MED13: variants seen among roughly 807,000 people sequenced by gnomAD.
MED13 encodes the protein mediator of RNA polymerase II transcription subunit 13.
A neutral mutation model predicts 225.2 loss-of-function variants in MED13; 23 were observed. That is an observed-to-expected ratio of 0.10 (90% CI 0.07 to 0.14). The LOEUF (loss-of-function observed/expected upper bound fraction) is 0.14. Ranked by LOEUF, MED13 falls within the 10% of genes least tolerant of loss-of-function variation. The pLI, the probability that MED13 is intolerant of heterozygous loss-of-function variation, is 1.00. For synonymous variants in MED13, 942 were observed against 889.2 expected (o/e 1.06, Z -1.06); for missense variants, 2,197 against 2,594.5 (o/e 0.85, Z 3.33).
chr17:62,007,065 C>T (rs898043994), intron 9 of MED13: 2 of 152,174 alleles, frequency 1.3e-5, no homozygotes, highest in African/African-American at 4.8e-5. Context: ...CAAGGTGAAA[C>T]CCCGTCTCTG....
At chr17:62,033,081 C>T (rs1167936998) in intron 5 of MED13, among the ~76,000 whole-genome samples, 3 of 151,626 alleles carry the variant, frequency 2.0e-5, no homozygotes, top group Non-Finnish European at 2.9e-5. Context: ...ACCTGGGAGG[C>T]GGAGGAGGTT....
At chr17:61,997,796 A>G (rs1009407434) in intron 9 of MED13, among the ~76,000 whole-genome samples, 3 of 152,302 alleles carry the variant, frequency 2.0e-5, no homozygotes, top group Admixed American at 2.0e-4. Context: ...TCGGTGTTTC[A>G]TATTACGTTG....
intron 9 of MED13, 151 bp from the exon 10 acceptor site, chr17:61,995,516 A>C (rs1401142886): frequency 1.5e-5 from 9 of 583,944 alleles, no homozygotes; most frequent in Non-Finnish European, 2.5e-5. Context: ...GAAAATATTA[A>C]ATAATTTATT....
intron 16 of MED13, among the ~76,000 whole-genome samples, chr17:61,975,341 G>A (rs989669669): frequency 3.3e-5 from 5 of 152,060 alleles, no homozygotes; most frequent in African/African-American, 7.2e-5. Context: ...TGGACAACAA[G>A]CACATGAAAC....
chr17:61,965,576 A>G, intron 19 of MED13, 108 bp from the exon 20 acceptor site: 1 of 1,149,472 alleles, frequency 8.7e-7, no homozygotes, highest in Non-Finnish European at 1.2e-6. Context: ...TTTCTTGGTA[A>G]TTATAGCCCC....
intron 23 of MED13, among the ~76,000 whole-genome samples, chr17:61,957,342 C>T (rs2079955256): frequency 1.3e-5 from 2 of 151,358 alleles, no homozygotes; most frequent in Admixed American, 1.3e-4. Context: ...TGCGCCTGGC[C>T]CAGTAAACTT....
Position 61,984,688 on chromosome 17 carries a change from T to A in MED13, c.2654A>T (p.Asp885Val). The change falls in exon 14 of 30, where the codon GAT (aspartate) becomes GTT (valine). Residue 885 changes from aspartate to valine, a missense_variant. Physicochemically the swap from Asp to Val is radical, Grantham distance 152. Around this residue, in one of 12 missense-constraint regions of MED13, gnomAD observed 160 missense variants for 184.8 expected, o/e 0.87. Coordinates refer to ENST00000397786, the MANE Select transcript of MED13 (RefSeq NM_005121.3). ...SIGAQFKIEV[D>V]EGFCSPKPSE... ...AGGTTTGGGGCTACAGAATCCCTCA[T>A]CAACCTCAATTTTGAACTGCGCTCC... 5 of 1,613,704 alleles carry A rather than the reference T, an allele frequency of 3.1e-6. No homozygotes were observed. Among genetic ancestry groups the A allele is most frequent in the Non-Finnish European group, 4.2e-6 (5 of 1,179,780 alleles).
At chr17:61,981,241 C>T (rs746744035) in intron 16 of MED13, among the ~76,000 whole-genome samples, 13 of 152,032 alleles carry the variant, frequency 8.6e-5, no homozygotes, top group Non-Finnish European at 1.8e-4. Flanking sequence ...AGGCAGGTCT[C>T]GAACTCCTGA....
At position 61,965,453 on chromosome 17, in the gene MED13, G is replaced by A. The variant is rs370372637; in HGVS notation, c.4397C>T (p.Ser1466Phe). Reference sequence around the variant, plus strand: ...AAGTAGAGAGCTGTCCAATGGCAGGGAAGCAAGATAAGGACCTAAAGAATA... The same window carrying A: ...AAGTAGAGAGCTGTCCAATGGCAGGAAAGCAAGATAAGGACCTAAAGAATA... The part of the protein sequence containing the change: ...CRYDLGPYLA[S>F]LPLDSSLLSQ... Residue 1466 changes from serine (S) to phenylalanine (F), a missense_variant, in exon 20 of 30, where the codon TCC becomes TTC. This residue lies in a region of MED13 where 457 missense variants were observed against 442.2 expected (regional missense o/e 1.03). Coordinates refer to ENST00000397786, the MANE Select transcript of MED13 (RefSeq NM_005121.3). 6.2e-7 allele frequency: 1 copy of A among 1,613,190 alleles called. No homozygotes were observed. The highest frequency in any genetic ancestry group is 1.3e-5 in the African/African-American group (1 of 74,994).
In MED13 at chr17:61,966,518, T is replaced by C. The variant is rs1451880029; in HGVS notation, c.4325A>G (p.Asn1442Ser). 6.2e-7 allele frequency: 1 copy of C among 1,614,006 alleles called. No individual in the cohort carries two copies. The highest frequency in any genetic ancestry group is 8.5e-7 in the Non-Finnish European group (1 of 1,179,918). The stretch of plus-strand genomic sequence containing the variant: ...CTTGAGTTTAGAAAATGCTTCATTG[T>C]TACCGTCAGCTGCCTGAGAAAACCA... ...AEWFSQAADG[N>S]NEAFSKLKLY... The change falls in exon 19 of 30, where the codon AAC becomes AGC. Residue 1442 changes from asparagine (N) to serine (S), a missense_variant. Asn to Ser is a conservative substitution (Grantham distance 46). This residue lies in a region of MED13 where 457 missense variants were observed against 442.2 expected (regional missense o/e 1.03). Coordinates refer to ENST00000397786, the MANE Select transcript of MED13 (RefSeq NM_005121.3).
chr17:62,045,367 A>C (rs1385416421), intron 3 of MED13, among the ~76,000 whole-genome samples: 1 of 152,150 alleles, frequency 6.6e-6, no homozygotes, highest in East Asian at 1.9e-4. Flanking sequence ...AATCTTAAGA[A>C]AGTTCTTGGC....
At chr17:61,963,751 T>G (rs921131029) in intron 20 of MED13, among the ~76,000 whole-genome samples, 9 of 152,194 alleles carry the variant, frequency 5.9e-5, no homozygotes, top group Non-Finnish European at 1.3e-4. Flanking sequence ...TAATGGTTTG[T>G]TTTTACCCAC....
At position 62,051,106 on chromosome 17, in the gene MED13, C is replaced by G. The variant is rs183897071; in HGVS notation, c.470+1431G>C. On this transcript the variant is annotated intron_variant, in intron 3 of 29. Transcript: ENST00000397786. ...GGTATCTATCTAATATCTATCAGCC[C>G]TTTCTTCTTACTAACAAAAACTTCA... Among the ~76,000 whole-genome samples, 298 of 152,314 alleles carry G rather than the reference C, an allele frequency of 2.0e-3. 1 individual carries two copies. Among genetic ancestry groups the G allele is most frequent in the African/African-American group, 6.9e-3 (287 of 41,562 alleles).
At position 61,948,384 on chromosome 17, in the gene MED13, T is replaced by C. The variant is rs78370672; in HGVS notation, c.6292-1367A>G. Among the ~76,000 whole-genome samples, 334 of 152,316 alleles carry C rather than the reference T, an allele frequency of 2.2e-3. 1 individual carries two copies. Among genetic ancestry groups the C allele is most frequent in the African/African-American group, 7.7e-3 (320 of 41,572 alleles). ...AGCTCTAGATAGTCCCTTGGACTTTTTGTAAAGTTGTGTTTCCTGAACACA... is the reference window on the plus strand; with the variant it reads ...AGCTCTAGATAGTCCCTTGGACTTTCTGTAAAGTTGTGTTTCCTGAACACA... On this transcript the variant is annotated intron_variant, in intron 28 of 29. Transcript: ENST00000397786.
At chr17:62,003,350 A>T (rs1298662926) in intron 9 of MED13, among the ~76,000 whole-genome samples, 1 of 152,150 alleles carries the variant, frequency 6.6e-6, no homozygotes, top group African/African-American at 2.4e-5. Context: ...TCACACCTGT[A>T]ATCCCAGCAC....
At chr17:62,059,530 G>A (rs547929423) in intron 2 of MED13, among the ~76,000 whole-genome samples, 90 of 152,272 alleles carry the variant, frequency 5.9e-4, no homozygotes, top group Non-Finnish European at 9.6e-4. Context: ...GGGTCCTTCC[G>A]GTACCCCATT....
At chr17:62,012,089 G>A (rs1221167918) in intron 8 of MED13, among the ~76,000 whole-genome samples, 6 of 151,460 alleles carry the variant, frequency 4.0e-5, no homozygotes, top group Non-Finnish European at 5.9e-5. Flanking sequence ...GGTGGCACGC[G>A]CCTGTAGTCC....
chr17:61,959,726 CTTTTTTTT>C (rs11288442), intron 23 of MED13, among the ~76,000 whole-genome samples: 1 of 119,690 alleles, frequency 8.4e-6, no homozygotes, highest in African/African-American at 3.3e-5. Flanking sequence ...GAACCCAAAT[CTTTTTTTT>C]TTTTTTTTTT....
Position 62,008,449 on chromosome 17 carries a change from G to A in MED13, c.1967+2101C>T, listed in dbSNP as rs111960861. 9.1e-3 allele frequency among the ~76,000 whole-genome samples: 1,373 copies of A among 151,068 alleles called. 12 individuals carry two copies. The highest frequency in any genetic ancestry group is 0.023 in the South Asian group (113 of 4,812). On this transcript the variant is annotated intron_variant, in intron 9 of 29. Coordinates refer to ENST00000397786, the MANE Select transcript of MED13 (RefSeq NM_005121.3). ...CTAAAGCTAAGAGAAGACCTTAAAA[G>A]CCTCACAGAAGAGATCGCGTTTTTT...
Sources: gnomAD v4.1 joint callset for allele counts (sites outside exome capture counted in the v4.1 genomes callset) on GRCh38, gnomAD v4.1.1 for gene constraint, gnomAD v4.1.1 regional missense constraint, MANE v1.5 for transcripts, NCBI Gene and HGNC (gene_info 2026-07-23, HGNC 2026-07-21) for gene names.